Variants in LILRB5 observed in about 807,000 individuals in gnomAD.
LILRB5 encodes the protein leukocyte immunoglobulin like receptor B5, also known as leukocyte immunoglobulin-like receptor subfamily B member 5.
LILRB5 carries 61 observed loss-of-function variants against 68.4 expected under a neutral mutation model. That is an observed-to-expected ratio of 0.89 (90% CI 0.73 to 1.10). The LOEUF is 1.10. Among genes scored for constraint, LILRB5 ranks in the 50% least tolerant of loss-of-function variants. LILRB5 has a pLI of 0.00. For synonymous variants in LILRB5, 356 were observed against 315.8 expected (o/e 1.13, Z -1.35); for missense variants, 771 against 751.6 (o/e 1.03, Z -0.30).
In LILRB5 at chr19:54,252,685, A is replaced by C. The variant is rs552535827; in HGVS notation, c.1475-136T>G. 2.7e-6 allele frequency: 3 copies of C among 1,100,594 alleles called. No individual in the cohort carries two copies. In the Admixed American group the frequency reaches 6.6e-5, roughly 24 times the overall value. 68.2% of individuals were successfully genotyped at this position (1,100,594 alleles called of 1,614,324 possible). On this transcript the variant is annotated intron_variant, in intron 9 of 12. Coordinates refer to ENST00000449561, the MANE Select transcript of LILRB5 (RefSeq NM_001081442.3). ...TTAAATACGTCGTAAGTTTAAAGTA[A>C]AATCAGAAGAATCAAGCACTTCCAC... is the stretch of plus-strand genomic sequence containing the variant.
chr19:54,256,148 G>A lies in LILRB5; in HGVS notation c.550C>T (p.Pro184Ser). Residue 184 changes from proline (P) to serine (S), a missense_variant, in exon 4 of 13, where the codon CCC (proline) becomes TCC (serine). Coordinates refer to ENST00000449561, the MANE Select transcript of LILRB5 (RefSeq NM_001081442.3). ...CTCCACCTGCAGCTGGGGGTCACGG[G>A]ACCCACAGGGAACAGGGCCTGGGAT... Reference protein sequence around the residue: ...GPSQALFPVGPVTPSCRWRFR... With the variant: ...GPSQALFPVGSVTPSCRWRFR... 4 of 1,611,818 alleles carry A rather than the reference G, an allele frequency of 2.5e-6. No individual in the cohort carries two copies. Among genetic ancestry groups the A allele is most frequent in the Admixed American group, 1.7e-5 (1 of 59,334 alleles).
chr19:54,252,143 G>A lies in LILRB5; in HGVS notation c.1577-37C>T, dbSNP rs778623128. ...GAGCAAGGGGTTCATCTCCTGGGAA[G>A]GTTCTCTGAGACTTCTCCGTCCTGC... is the stretch of plus-strand genomic sequence containing the variant. On this transcript the variant is annotated intron_variant, in intron 11 of 12. Coordinates refer to ENST00000449561, the MANE Select transcript of LILRB5 (RefSeq NM_001081442.3). 1.1e-5 allele frequency: 17 copies of A among 1,609,260 alleles called. No homozygotes were observed. The East Asian group carries it at 3.1e-4, about 30-fold the overall frequency.
chr19:54,255,465 T>G lies in LILRB5; in HGVS notation c.773A>C (p.Glu258Ala). 6.2e-7 allele frequency: 1 copy of G among 1,614,016 alleles called. No homozygotes were observed. The highest frequency in any genetic ancestry group is 8.5e-7 in the Non-Finnish European group (1 of 1,179,984). Reference protein sequence around the residue: ...VGYDIFVLYKEGEHDLVQGSG... With the variant: ...VGYDIFVLYKAGEHDLVQGSG... Reference sequence around the variant, plus strand: ...GCCCTGGACGAGGTCATGTTCCCCCTCCTTGTACAGAACGAATATGTCATA... The same window carrying G: ...GCCCTGGACGAGGTCATGTTCCCCCGCCTTGTACAGAACGAATATGTCATA... The change falls in exon 5 of 13, where the codon GAG becomes GCG. Residue 258 changes from glutamate to alanine, a missense_variant. Physicochemically the swap from Glu to Ala is moderately radical, Grantham distance 107. Coordinates refer to ENST00000449561, the MANE Select transcript of LILRB5 (RefSeq NM_001081442.3).
Position 54,252,875 on chromosome 19 carries a change from T to A in LILRB5, c.1470A>T (p.Thr490=). The change falls in exon 9 of 13, where the codon ACA becomes ACT. Residue 490 remains threonine (T), a synonymous_variant. Transcript: ENST00000449561. ...LRHRHQSKHR[T]SAHFYRPAGA... is the part of the protein sequence containing the mutation. ...GTTCCCCCATTCCCTACTCACCCGA[T>A]GTCCTGTGTTTGCTCTGATGCCGAT... is the stretch of plus-strand genomic sequence containing the variant. 6.2e-7 allele frequency: 1 copy of A among 1,602,026 alleles called. No homozygotes were observed. Among genetic ancestry groups the A allele is most frequent in the Non-Finnish European group, 8.5e-7 (1 of 1,172,474 alleles).
Position 54,252,063 on chromosome 19 carries a change from C to T in LILRB5, c.1620G>A (p.Met540Ile), listed in dbSNP as rs760836740. The T allele has an allele frequency of 5.6e-6, 9 of 1,613,826 alleles. No homozygotes were observed. The highest frequency in any genetic ancestry group is 1.7e-5 in the Admixed American group (1 of 59,996). The change falls in exon 12 of 13, where the codon ATG (methionine) becomes ATA (isoleucine). Residue 540 changes from methionine (M) to isoleucine (I), a missense_variant. Physicochemically the swap from Met to Ile is conservative, Grantham distance 10. Coordinates refer to ENST00000449561, the MANE Select transcript of LILRB5 (RefSeq NM_001081442.3). ...AGGGGCGGGGCCTCACCGGAGCATC[C>T]ATCTCCACCCCGTCCTTGGGCTGTG... is the stretch of plus-strand genomic sequence containing the variant. The part of the protein sequence containing the change: ...KDTQPKDGVE[M>I]DAPAAASEAP...
rs2078908021 is a variant in LILRB5, at chr19:54,250,524, T to C, written c.*262A>G. On this transcript the variant is annotated 3_prime_UTR_variant, in exon 13 of 13. Coordinates refer to ENST00000449561, the MANE Select transcript of LILRB5 (RefSeq NM_001081442.3). ...TATTTACATTATCATTCCAAATTTATACCATGCTCTAATTTCTGTTTCAGT... is the reference window on the plus strand; with the variant it reads ...TATTTACATTATCATTCCAAATTTACACCATGCTCTAATTTCTGTTTCAGT... The C allele has an allele frequency of 2.0e-6, 1 of 510,398 alleles. No homozygotes were observed. The highest frequency in any genetic ancestry group is 3.1e-5 in the East Asian group (1 of 32,778). 31.6% of individuals were successfully genotyped at this position (510,398 alleles called of 1,614,324 possible). A position where few individuals can be genotyped will look rare whatever the true frequency, so the allele number is the denominator to read the frequency against.
chr19:54,253,057 G>T, intron 8 of LILRB5, 70 bp from the exon 9 acceptor site: 1 of 1,012,164 alleles, frequency 9.9e-7, no homozygotes, highest in Non-Finnish European at 1.4e-6. Context: ...GCAGGCGCGA[G>T]CTAGGTCTTT....
At chr19:54,252,668 G>A (rs1174733839) in intron 9 of LILRB5, 119 bp from the exon 10 acceptor site, 12 of 1,184,896 alleles carry the variant, frequency 1.0e-5, no homozygotes, top group Admixed American at 2.1e-5. Flanking sequence ...CTTTAAATAC[G>A]TCGTAAGTTT....
chr19:54,254,167 C>T (rs757412574), intron 7 of LILRB5, 99 bp from the exon 8 acceptor site: 73 of 1,527,206 alleles, frequency 4.8e-5, no homozygotes, highest in Non-Finnish European at 6.3e-5. Flanking sequence ...CAACATCTCT[C>T]TCTGCCTCGA....
rs950401310 is a variant in LILRB5, at chr19:54,252,467, G to C, written c.1538+19C>G. On this transcript the variant is annotated intron_variant, in intron 10 of 12. Coordinates refer to ENST00000449561, the MANE Select transcript of LILRB5 (RefSeq NM_001081442.3). ...GCTGTGCGGGTGGATGGGAGTCTTG[G>C]GTCTTCATGCAGAATTACCTCTTCT... The C allele has an allele frequency of 1.9e-6, 3 of 1,614,018 alleles. No individual in the cohort carries two copies. The African/African-American group carries it at 4.0e-5, about 22-fold the overall frequency.
Position 54,252,092 on chromosome 19 carries a change from C to G in LILRB5, c.1591G>C (p.Asp531His), listed in dbSNP as rs3848614. ...TCCACCCCGTCCTTGGGCTGTGTGT[C>G]CTTCACGGCAGCATCTGCTGGGCCA... ...QEEILNAAVKDTQPKDGVEMD... is the reference protein window; with the variant it reads ...QEEILNAAVKHTQPKDGVEMD... The change falls in exon 12 of 13, where the codon GAC becomes CAC. Residue 531 changes from aspartate (D) to histidine (H), a missense_variant. Coordinates refer to ENST00000449561, the MANE Select transcript of LILRB5 (RefSeq NM_001081442.3). 7,272 of 1,614,018 alleles carry G rather than the reference C, an allele frequency of 4.5e-3. 79 individuals are homozygous for G. Among genetic ancestry groups the G allele is most frequent in the Middle Eastern group, 0.02 (122 of 6,032 alleles).
chr19:54,255,897 G>A, intron 4 of LILRB5, 146 bp downstream of exon 4: 1 of 710,446 alleles, frequency 1.4e-6, no homozygotes, highest in Non-Finnish European at 2.3e-6. Flanking sequence ...CCCCATCTGA[G>A]CCTCCCCGTG....
At chr19:54,253,121 C>T (rs2079015782) in intron 8 of LILRB5, 134 bp from the exon 9 acceptor site, 18 of 379,668 alleles carry the variant, frequency 4.7e-5, no homozygotes, top group South Asian at 4.6e-4. Flanking sequence ...TTGCCAACCC[C>T]CCAATTCACA....
In LILRB5 at chr19:54,256,531, C is replaced by T. The variant is rs760132804; in HGVS notation, c.313G>A (p.Gly105Ser). The change falls in exon 3 of 13, where the codon GGC becomes AGC. Residue 105 changes from glycine to serine, a missense_variant. Gly to Ser is a moderately conservative substitution (Grantham distance 56). Transcript: ENST00000449561. ...AGGGGGTCACTGGGCTCTGACCAGCCTGCAGGGGTCTCATAGTAGCAGCGG... is the reference window on the plus strand; with the variant it reads ...AGGGGGTCACTGGGCTCTGACCAGCTTGCAGGGGTCTCATAGTAGCAGCGG... The part of the protein sequence containing the change: ...RYRCYYETPA[G>S]WSEPSDPLEL... 4 of 1,614,142 alleles carry T rather than the reference C, an allele frequency of 2.5e-6. No homozygotes were observed. In the East Asian group the frequency reaches 6.7e-5, roughly 27 times the overall value.
Position 54,255,536 on chromosome 19 carries a change from C to G in LILRB5, c.702G>C (p.Val234=). 1 of 1,614,010 alleles carries G rather than the reference C, an allele frequency of 6.2e-7. No homozygotes were observed. The highest frequency in any genetic ancestry group is 8.5e-7 in the Non-Finnish European group (1 of 1,179,944). The change falls in exon 5 of 13, where the codon GTG becomes GTC. Residue 234 remains valine, a synonymous_variant. Coordinates refer to ENST00000449561, the MANE Select transcript of LILRB5 (RefSeq NM_001081442.3). ...PSLLIPQGSV[V]ARGGSLTLQC... ...GCAGGGTCAGGCTGCCTCCGCGGGC[C>G]ACGACAGAGCCCTGCGGGATCAGGA...
Position 54,252,907 on chromosome 19 carries a change from G to A in LILRB5, c.1438C>T (p.Leu480Phe). The part of the protein sequence containing the change: ...LLLFLLLFLL[L>F]RHRHQSKHRT... ...TGTTTGCTCTGATGCCGATGTCGGA[G>A]GAGGAGGAAGAGGAGGAGGAACAGC... The change falls in exon 9 of 13, where the codon CTC becomes TTC. Residue 480 changes from leucine (L) to phenylalanine (F), a missense_variant. Physicochemically the swap from Leu to Phe is conservative, Grantham distance 22 (BLOSUM62 0). Transcript: ENST00000449561. 6.3e-7 allele frequency: 1 copy of A among 1,596,742 alleles called. No homozygotes were observed. The highest frequency in any genetic ancestry group is 1.1e-5 in the South Asian group (1 of 90,900).
chr19:54,250,939 C>T lies in LILRB5; in HGVS notation c.1630-7G>A, dbSNP rs368145959. ...GGGCTTCAGATGCAGCAGCCTGCAG[C>T]GGGGGAGAGTGAGAGGGAAGGAACG... is the stretch of plus-strand genomic sequence containing the variant. On this transcript the variant is annotated splice_polypyrimidine_tract_variant and splice_region_variant and intron_variant, in intron 12 of 12. Coordinates refer to ENST00000449561, the MANE Select transcript of LILRB5 (RefSeq NM_001081442.3). The T allele has an allele frequency of 3.5e-4, 412 of 1,185,218 alleles. 2 individuals carry two copies. The South Asian group carries it at 5.5e-3, about 16-fold the overall frequency. The allele number at this position is 1,185,218 out of a possible 1,614,324, so 73.4% of individuals were successfully genotyped here. A position where few individuals can be genotyped will look rare whatever the true frequency, so the allele number is the denominator to read the frequency against.
At position 54,255,538 on chromosome 19, in the gene LILRB5, C is replaced by T. The variant is rs763749586; in HGVS notation, c.700G>A (p.Val234Met). Residue 234 changes from valine to methionine, a missense_variant, in exon 5 of 13, where the codon GTG becomes ATG. Val to Met is a conservative substitution (Grantham distance 21). Coordinates refer to ENST00000449561, the MANE Select transcript of LILRB5 (RefSeq NM_001081442.3). ...PSLLIPQGSV[V>M]ARGGSLTLQC... ...AGGGTCAGGCTGCCTCCGCGGGCCA[C>T]GACAGAGCCCTGCGGGATCAGGAGG... 84 of 1,613,860 alleles carry T rather than the reference C, an allele frequency of 5.2e-5. No individual in the cohort carries two copies. The East Asian group carries it at 8.9e-4, about 17-fold the overall frequency.
At position 54,250,538 on chromosome 19, in the gene LILRB5, T is replaced by A; in HGVS notation, c.*248A>T. 1 of 525,946 alleles carries A rather than the reference T, an allele frequency of 1.9e-6. No homozygotes were observed. The highest frequency in any genetic ancestry group is 3.3e-6 in the Non-Finnish European group (1 of 299,820). 32.6% of individuals were successfully genotyped at this position (525,946 alleles called of 1,614,324 possible). Reference sequence around the variant, plus strand: ...TTCCAAATTTATACCATGCTCTAATTTCTGTTTCAGTTTTCTCAGCTCATT... The same window carrying A: ...TTCCAAATTTATACCATGCTCTAATATCTGTTTCAGTTTTCTCAGCTCATT... On this transcript the variant is annotated 3_prime_UTR_variant, in exon 13 of 13. Transcript: ENST00000449561.
Sources: allele counts gnomAD v4.1 joint callset, GRCh38; gene constraint gnomAD v4.1.1; transcripts MANE v1.5; gene names NCBI Gene and HGNC (gene_info 2026-07-23, HGNC 2026-07-21).